The following CACNA2D3 variants were observed in gnomAD, a reference collection of about 807,000 sequenced individuals.
The protein encoded by CACNA2D3 is calcium voltage-gated channel auxiliary subunit alpha2delta 3, also known as voltage-dependent calcium channel subunit alpha-2/delta-3.
Under a neutral mutation model 160.6 loss-of-function variants are expected in CACNA2D3, and 60 were observed. The observed-to-expected ratio is 0.37, with a 90% CI of 0.30 to 0.46. The LOEUF (loss-of-function observed/expected upper bound fraction) is 0.46, where lower values mean the gene tolerates loss of function less well. Ranked by LOEUF, CACNA2D3 falls within the 20% of genes least tolerant of loss-of-function variation. The pLI is 1.00. For synonymous variants in CACNA2D3, 558 were observed against 492.9 expected, an observed-to-expected ratio of 1.13 and a Z score of -1.75; for missense variants, 1,205 against 1,365.0, an observed-to-expected ratio of 0.88 and a Z score of 1.85.
chr3:55,073,580 A>T (rs373095254), intron 36 of CACNA2D3, 23 bp downstream of exon 36: 107 of 1,569,424 alleles, frequency 6.8e-5, no homozygotes, highest in Non-Finnish European at 9.2e-5. Flanking sequence ...GTGCAGGTCC[A>T]CTCACTACCA....
intron 31 of CACNA2D3, among the ~76,000 whole-genome samples, chr3:54,993,793 C>T (rs1047440290): frequency 2.0e-5 from 3 of 151,224 alleles, no homozygotes; most frequent in Admixed American, 6.6e-5. Context: ...GGACTGCTCT[C>T]GTCGAGCCAC....
intron 29 of CACNA2D3, among the ~76,000 whole-genome samples, chr3:54,971,558 G>A (rs557222205): frequency 2.6e-5 from 4 of 152,256 alleles, no homozygotes; most frequent in East Asian, 1.9e-4. Context: ...GGTTGGTTAC[G>A]TAGTTGGTCG....
At chr3:54,899,104 A>G (rs547321499) in intron 26 of CACNA2D3, among the ~76,000 whole-genome samples, 1 of 152,320 alleles carries the variant, frequency 6.6e-6, no homozygotes, top group East Asian at 1.9e-4. Flanking sequence ...AGCACCTTTT[A>G]GCAGGTGGGC....
intron 2 of CACNA2D3, among the ~76,000 whole-genome samples, chr3:54,319,265 G>A (rs1703937946): frequency 6.6e-6 from 1 of 151,658 alleles, no homozygotes; most frequent in Non-Finnish European, 1.5e-5. Flanking sequence ...AGGATGGGAG[G>A]AATGAATGGA....
chr3:54,451,991 T>C (rs1700315636), intron 4 of CACNA2D3, among the ~76,000 whole-genome samples: 1 of 152,232 alleles, frequency 6.6e-6, no homozygotes, highest in Non-Finnish European at 1.5e-5. Flanking sequence ...TTTCCTCCAG[T>C]GTCCAATAAC....
At chr3:54,930,410 T>A (rs1254839574) in intron 27 of CACNA2D3, among the ~76,000 whole-genome samples, 1 of 152,218 alleles carries the variant, frequency 6.6e-6, no homozygotes, top group Admixed American at 6.5e-5. Flanking sequence ...TTACCAGCTT[T>A]AAGGGGGCTT....
At chr3:54,981,756 A>G (rs925623023) in intron 29 of CACNA2D3, among the ~76,000 whole-genome samples, 2 of 152,234 alleles carry the variant, frequency 1.3e-5, no homozygotes, top group African/African-American at 2.4e-5. Flanking sequence ...AAACACAGAC[A>G]TTAGCCCCTT....
rs185192245 is a variant in CACNA2D3, at chr3:54,971,862, G to A, written c.2556+2018G>A. On this transcript the variant is annotated intron_variant, in intron 29 of 37. Coordinates refer to ENST00000474759, the MANE Select transcript of CACNA2D3 (RefSeq NM_018398.3). The stretch of plus-strand genomic sequence containing the variant: ...TGGGCAAGTTTCCAAATCTTTCCAT[G>A]CCTCAGTTTTCTCAACTATACAATG... 2.9e-3 allele frequency among the ~76,000 whole-genome samples: 439 copies of A among 152,248 alleles called. 1 individual carries two copies. The highest frequency in any genetic ancestry group is 5.2e-3 in the Non-Finnish European group (356 of 68,016).
chr3:54,855,768 A>G (rs1314618699), intron 17 of CACNA2D3, among the ~76,000 whole-genome samples: 1 of 152,080 alleles, frequency 6.6e-6, no homozygotes, highest in East Asian at 1.9e-4. Flanking sequence ...CTTCTGCTCA[A>G]GTGATTAAGA....
At chr3:54,156,220 C>T (rs1342053829) in intron 2 of CACNA2D3, among the ~76,000 whole-genome samples, 2 of 152,118 alleles carry the variant, frequency 1.3e-5, no homozygotes, top group African/African-American at 4.8e-5. Flanking sequence ...GGAAATGAGA[C>T]AGGGACAAGA....
intron 13 of CACNA2D3, among the ~76,000 whole-genome samples, chr3:54,800,898 G>A (rs1232307243): frequency 1.3e-5 from 2 of 151,994 alleles, no homozygotes; most frequent in African/African-American, 4.8e-5. Flanking sequence ...CAGGAATTTT[G>A]AAGTTTAATA....
At chr3:54,393,551 C>G (rs1699318685) in intron 4 of CACNA2D3, among the ~76,000 whole-genome samples, 1 of 152,234 alleles carries the variant, frequency 6.6e-6, no homozygotes, top group East Asian at 1.9e-4. Flanking sequence ...TGGTGTGTAG[C>G]TGCTCTACCT....
At chr3:54,498,576 T>C (rs1176360840) in intron 4 of CACNA2D3, among the ~76,000 whole-genome samples, 1 of 151,994 alleles carries the variant, frequency 6.6e-6, no homozygotes, top group Non-Finnish European at 1.5e-5. Flanking sequence ...TTTAAATTTC[T>C]GTACTTATCT....
At chr3:54,859,928 C>T (rs1378829826) in intron 17 of CACNA2D3, among the ~76,000 whole-genome samples, 2 of 151,278 alleles carry the variant, frequency 1.3e-5, no homozygotes, top group Non-Finnish European at 2.9e-5. Flanking sequence ...GCTGAAGCCC[C>T]ACTCTGCAAG....
chr3:54,616,775 C>T (rs1414797571), intron 9 of CACNA2D3, among the ~76,000 whole-genome samples: 6 of 152,172 alleles, frequency 3.9e-5, no homozygotes, highest in African/African-American at 1.2e-4. Flanking sequence ...CATTTATTAG[C>T]TGTGAGACCT....
At chr3:54,844,426 A>G (rs1348963641) in intron 16 of CACNA2D3, among the ~76,000 whole-genome samples, 6 of 152,188 alleles carry the variant, frequency 3.9e-5, no homozygotes, top group East Asian at 3.9e-4. Context: ...AATACAGGAC[A>G]TTGGGATGGG....
chr3:54,627,999 G>T, intron 10 of CACNA2D3, 123 bp downstream of exon 10: 1 of 681,252 alleles, frequency 1.5e-6, no homozygotes, highest in Non-Finnish European at 2.6e-6. Flanking sequence ...TTGGGAGGCC[G>T]AGATGGGCGG....
intron 2 of CACNA2D3, 128 bp downstream of exon 2, chr3:54,123,722 T>A: frequency 1.3e-6 from 1 of 776,444 alleles, no homozygotes; most frequent in Non-Finnish European, 2.3e-6. Flanking sequence ...ATCCCCGGGT[T>A]TCTTGGCATT....
At chr3:54,927,420 A>C (rs1182613148) in intron 27 of CACNA2D3, among the ~76,000 whole-genome samples, 1 of 152,186 alleles carries the variant, frequency 6.6e-6, no homozygotes, top group Non-Finnish European at 1.5e-5. Context: ...TCAAAGCCAA[A>C]ACATCTTCCC....
Sources: gnomAD v4.1 joint callset for allele counts (sites outside exome capture counted in the v4.1 genomes callset) on GRCh38, gnomAD v4.1.1 for gene constraint, MANE v1.5 for transcripts, NCBI Gene and HGNC (gene_info 2026-07-23, HGNC 2026-07-21) for gene names.